Variants in ABCA10 observed in about 807,000 individuals in gnomAD.
The protein encoded by ABCA10 is ATP-binding cassette sub-family A member 10.
ABCA10 carries 169 observed loss-of-function variants against 187.5 expected under a neutral mutation model. The observed-to-expected ratio is 0.90, with a 90% CI of 0.80 to 1.02. The LOEUF (loss-of-function observed/expected upper bound fraction) is 1.02, where lower values mean the gene tolerates loss of function less well. Among genes scored for constraint, ABCA10 ranks in the 50% least tolerant of loss-of-function variants. The pLI, the probability that ABCA10 is intolerant of heterozygous loss-of-function variation, is 0.00. For missense variants in ABCA10, 1,727 were observed against 1,812.4 expected (o/e 0.95, Z 0.86); for synonymous variants, 574 against 601.8 (o/e 0.95, Z 0.68).
intron 29 of ABCA10, among the ~76,000 whole-genome samples, chr17:69,155,516 C>G (rs975978224): frequency 6.6e-6 from 1 of 152,020 alleles, no homozygotes; most frequent in African/African-American, 2.4e-5. Flanking sequence ...AATTGCAACT[C>G]TTGAAAAATG....
chr17:69,205,305 C>T (rs888931261), intron 9 of ABCA10, among the ~76,000 whole-genome samples: 9 of 152,120 alleles, frequency 5.9e-5, no homozygotes, highest in East Asian at 1.9e-4. Flanking sequence ...CTATACACAA[C>T]GTAGCCTCTA....
chr17:69,162,512 G>A lies in ABCA10; in HGVS notation c.3363+1562C>T, dbSNP rs116463496. ...GAAGGTCCTTCTCCATCATGGCAATGTTCCTGCTCATTTCTCTCATCAAAC... is the reference window on the plus strand; with the variant it reads ...GAAGGTCCTTCTCCATCATGGCAATATTCCTGCTCATTTCTCTCATCAAAC... On this transcript the variant is annotated intron_variant, in intron 27 of 38. Coordinates refer to ENST00000690296, the MANE Select transcript of ABCA10 (RefSeq NM_001377321.1). Among the ~76,000 whole-genome samples, 1,408 of 152,228 alleles carry A rather than the reference G, an allele frequency of 9.2e-3. 16 individuals carry two copies. The highest frequency in any genetic ancestry group is 0.031 in the African/African-American group (1,294 of 41,542).
rs548729450 is a variant in ABCA10, at chr17:69,184,875, A to G, written c.2497+602T>C. On this transcript the variant is annotated intron_variant, in intron 20 of 38. Transcript: ENST00000690296. ...TGTGTGTGTGTGTGTGTGTGTGTAT[A>G]TATATACACACACACACATACATAT... Among the ~76,000 whole-genome samples, 286 of 147,304 alleles carry G rather than the reference A, an allele frequency of 1.9e-3. 1 individual carries two copies. Among genetic ancestry groups the G allele is most frequent in the African/African-American group, 7.2e-3 (276 of 38,344 alleles).
rs770317351 is a variant in ABCA10 at position 69,192,638 on chromosome 17, A to C, written c.1796T>G (p.Leu599Arg). Reference sequence around the variant, plus strand: ...TGCACATTTCAACTTCCCATTAGACAGAAATACTTTCCTATCTGAGTAGAA... The same window carrying C: ...TGCACATTTCAACTTCCCATTAGACCGAAATACTTTCCTATCTGAGTAGAA... ...ADILADRKVF[L>R]SNGKLKCAGS... is the part of the protein sequence containing the mutation. The change falls in exon 16 of 39, where the codon CTG becomes CGG. Residue 599 changes from leucine (L) to arginine (R), a missense_variant. Leu to Arg is a moderately radical substitution (Grantham distance 102). Transcript: ENST00000690296. The C allele has an allele frequency of 2.5e-5, 40 of 1,613,148 alleles. No individual in the cohort carries two copies. Among genetic ancestry groups the C allele is most frequent in the Non-Finnish European group, 3.4e-6 (4 of 1,179,706 alleles).
chr17:69,241,114 C>T (rs528368701), intron 1 of ABCA10, among the ~76,000 whole-genome samples: 4 of 152,296 alleles, frequency 2.6e-5, no homozygotes, highest in South Asian at 2.1e-4. Context: ...TAAACTTCCA[C>T]GGTCTTCTTC....
At chr17:69,210,214 G>A (rs1186109590) in intron 9 of ABCA10, among the ~76,000 whole-genome samples, 5 of 103,794 alleles carry the variant, frequency 4.8e-5, no homozygotes, top group Admixed American at 2.8e-4. Flanking sequence ...ACGGAGTCTC[G>A]CTCTGTCGCC....
intron 19 of ABCA10, among the ~76,000 whole-genome samples, chr17:69,186,480 T>C (rs569235241): frequency 2.0e-5 from 3 of 152,314 alleles, no homozygotes; most frequent in African/African-American, 7.2e-5. Context: ...CGTCTATCTC[T>C]CATTCATTAT....
At position 69,174,697 on chromosome 17, in the gene ABCA10, T is replaced by C. The variant is rs141746329; in HGVS notation, c.2958A>G (p.Pro986=). 5.5e-5 allele frequency: 88 copies of C among 1,612,376 alleles called. No individual in the cohort carries two copies. The Middle Eastern group carries it at 9.9e-4, about 18-fold the overall frequency. ...YWCGQALVDI[P]LYFLILFSIH... ...TTGAAAAGAGAATCAAGAAGTATAA[T>C]GGAATGTCCACCAGAGCCTGTCCAC... Residue 986 remains proline, a synonymous_variant, in exon 24 of 39, where the codon CCA becomes CCG. Coordinates refer to ENST00000690296, the MANE Select transcript of ABCA10 (RefSeq NM_001377321.1).
At chr17:69,162,328 A>T (rs2074223732) in intron 27 of ABCA10, among the ~76,000 whole-genome samples, 2 of 152,256 alleles carry the variant, frequency 1.3e-5, no homozygotes, top group South Asian at 4.1e-4. Flanking sequence ...CAGTTAAAGC[A>T]AAAGTGAATT....
In ABCA10 at chr17:69,219,500, T is replaced by C. The variant is rs758334749; in HGVS notation, c.530+45A>G. On this transcript the variant is annotated intron_variant, in intron 6 of 38. Coordinates refer to ENST00000690296, the MANE Select transcript of ABCA10 (RefSeq NM_001377321.1). Reference sequence around the variant, plus strand: ...TTTTTAAGAACCTAGTTAGTTTCTCTAATAATTAATGTATGATATACAGTA... The same window carrying C: ...TTTTTAAGAACCTAGTTAGTTTCTCCAATAATTAATGTATGATATACAGTA... 13 of 1,340,846 alleles carry C rather than the reference T, an allele frequency of 9.7e-6. No individual in the cohort carries two copies. In the African/African-American group the frequency reaches 1.6e-4, roughly 17 times the overall value. 83.1% of individuals were successfully genotyped at this position (1,340,846 alleles called of 1,614,324 possible).
intron 2 of ABCA10, among the ~76,000 whole-genome samples, chr17:69,226,370 A>G (rs1353844999): frequency 6.6e-6 from 1 of 152,076 alleles, no homozygotes; most frequent in Non-Finnish European, 1.5e-5. Context: ...TCAATATACG[A>G]AGCAAAATAT....
At position 69,148,603 on chromosome 17, in the gene ABCA10, G is replaced by T; in HGVS notation, c.*224C>A. 1 of 469,496 alleles carries T rather than the reference G, an allele frequency of 2.1e-6. No individual in the cohort carries two copies. The highest frequency in any genetic ancestry group is 3.8e-6 in the Non-Finnish European group (1 of 265,876). 29.1% of individuals were successfully genotyped at this position (469,496 alleles called of 1,614,324 possible). A position where few individuals can be genotyped will look rare whatever the true frequency, so the allele number is the denominator to read the frequency against. ...TTTAAGCACAAAATAGACCCATGTT[G>T]GGGATGAATAACATGTCTGATTTTG... On this transcript the variant is annotated 3_prime_UTR_variant, in exon 39 of 39. Transcript: ENST00000690296.
chr17:69,241,107 A>G (rs570462127), intron 1 of ABCA10, among the ~76,000 whole-genome samples: 1 of 152,088 alleles, frequency 6.6e-6, no homozygotes. Context: ...TCAAACCTAA[A>G]CTTCCACGGT....
chr17:69,180,647 T>C (rs964008809), intron 22 of ABCA10, among the ~76,000 whole-genome samples: 5 of 152,154 alleles, frequency 3.3e-5, no homozygotes, highest in African/African-American at 1.2e-4. Flanking sequence ...AAGTTTTGAT[T>C]ATATTTTTCT....
At chr17:69,149,839 T>G in intron 37 of ABCA10, 145 bp downstream of exon 37, 3 of 636,786 alleles carry the variant, frequency 4.7e-6, no homozygotes, top group Non-Finnish European at 7.8e-6. Context: ...TTCATTTCCT[T>G]TGAGATTGTT....
At chr17:69,175,278 A>G (rs1388242919) in intron 23 of ABCA10, 128 bp downstream of exon 23, 4 of 741,924 alleles carry the variant, frequency 5.4e-6, no homozygotes, top group South Asian at 4.0e-5. Flanking sequence ...CTATACTGAT[A>G]TTAGATTGTA....
Position 69,155,891 on chromosome 17 carries a change from G to GAT in ABCA10, c.3488_3489dup (p.Pro1164IlefsTer34). 6.2e-7 allele frequency: 1 copy of GAT among 1,613,642 alleles called. No individual in the cohort carries two copies. The highest frequency in any genetic ancestry group is 8.5e-7 in the Non-Finnish European group (1 of 1,179,720). ...TCATCTTCTTCTTCGGGCTCTTCCG[G>GAT]ATTGGGATGAGTTTCTCTACTCCGT... is the stretch of plus-strand genomic sequence containing the variant. On this transcript the variant is annotated frameshift_variant, in exon 29 of 39. Transcript: ENST00000690296. LOFTEE classifies it high-confidence loss of function.
rs147330189 is a variant in ABCA10 at position 69,180,296 on chromosome 17, T to C, written c.2769+1857A>G. The stretch of plus-strand genomic sequence containing the variant: ...CCCACTCATTCATCCATTCAACAAA[T>C]ATTTATAGAGCTTCTGCTCCGTGCA... On this transcript the variant is annotated intron_variant, in intron 22 of 38. Coordinates refer to ENST00000690296, the MANE Select transcript of ABCA10 (RefSeq NM_001377321.1). Among the ~76,000 whole-genome samples the C allele has an allele frequency of 3.3e-5, 5 of 152,298 alleles. No individual in the cohort carries two copies. In the East Asian group the frequency reaches 9.6e-4, roughly 29 times the overall value.
In ABCA10 at chr17:69,197,074, T is replaced by C. The variant is rs2074511484; in HGVS notation, c.1224A>G (p.Glu408=). 6.3e-7 allele frequency: 1 copy of C among 1,588,766 alleles called. No homozygotes were observed. Among genetic ancestry groups the C allele is most frequent in the Non-Finnish European group, 8.6e-7 (1 of 1,163,432 alleles). The change falls in exon 11 of 39, where the codon GAA becomes GAG. Residue 408 remains glutamate, a synonymous_variant. Transcript: ENST00000690296. ...AGTTTTTCTTTTTACCTTGCAATGC[T>C]TCTACTTTTCCAGTCTTTCCATTAT... ...KEYNGKTGKV[E]ALQGIFFDIY...
Sources: allele counts gnomAD v4.1 joint callset (sites outside exome capture counted in the v4.1 genomes callset), GRCh38; gene constraint gnomAD v4.1.1; transcripts MANE v1.5; gene names NCBI Gene and HGNC (gene_info 2026-07-23, HGNC 2026-07-21).